The following PUDP variants were observed in gnomAD, a reference collection of about 807,000 sequenced individuals.
PUDP encodes the protein pseudouridine 5'-phosphatase, also known as pseudouridine-5'-phosphatase.
PUDP carries 8 observed loss-of-function variants against 9.4 expected under a neutral mutation model. The ratio of observed to expected loss-of-function variants is 0.85; its 90% CI spans 0.50 to 1.53. The LOEUF (loss-of-function observed/expected upper bound fraction) is 1.53, where lower values mean the gene tolerates loss of function less well. Ranked by LOEUF, PUDP falls within the 40% of genes most tolerant of loss-of-function variation. The pLI, the probability that PUDP is intolerant of heterozygous loss-of-function variation, is 0.00. For synonymous variants in PUDP, 99 were observed against 80.7 expected (o/e 1.23, Z -1.22); for missense variants, 188 against 189.7 (o/e 0.99, Z 0.05).
At chrX:7,134,986 G>C (rs1479134704) in intron 1 of PUDP, among the ~76,000 whole-genome samples, 3 of 112,052 alleles carry the variant, frequency 2.7e-5, no homozygotes, top group African/African-American at 6.5e-5. Flanking sequence ...GGTAAATAAG[G>C]GAAAGAGAAG....
chrX:6,759,856 G>A (rs944225377), intron 3 of PUDP, among the ~76,000 whole-genome samples: 2 of 106,827 alleles, frequency 1.9e-5, no homozygotes, highest in African/African-American at 6.9e-5. Context: ...GTGGCATTGT[G>A]GACGCTTCTC....
At chrX:6,849,944 C>G (rs1188681257) in intron 3 of PUDP, among the ~76,000 whole-genome samples, 1 of 111,835 alleles carries the variant, frequency 8.9e-6, no homozygotes, top group Admixed American at 9.5e-5. Flanking sequence ...CCAAACATAG[C>G]ATTCTATTTC....
Position 7,077,452 on chromosome X carries a change from G to A in PUDP, c.281-3C>T, listed in dbSNP as rs1392986338. 2 of 1,201,580 alleles carry A rather than the reference G, an allele frequency of 1.7e-6. No homozygotes were observed. Among genetic ancestry groups the A allele is most frequent in the Non-Finnish European group, 2.3e-6 (2 of 887,060 alleles). On this transcript the variant is annotated splice_region_variant and splice_polypyrimidine_tract_variant and intron_variant, in intron 2 of 3. Transcript: ENST00000381077. ...GTGGATGATGAGTTTCTCCGCCCCT[G>A]GGGAGGAGGAGGGAAGGACTGAGGT...
At chrX:7,072,919 C>A (rs1223959077) in intron 3 of PUDP, among the ~76,000 whole-genome samples, 2 of 110,760 alleles carry the variant, frequency 1.8e-5, no homozygotes, top group Non-Finnish European at 3.8e-5. Context: ...TTTTGTTTCA[C>A]AACAATGATG....
intron 3 of PUDP, among the ~76,000 whole-genome samples, chrX:6,857,342 A>G (rs749705750): frequency 8.8e-6 from 1 of 113,426 alleles, no homozygotes; most frequent in African/African-American, 3.2e-5. Flanking sequence ...AGCTGCACTC[A>G]TAGAATTTCT....
intron 1 of PUDP, among the ~76,000 whole-genome samples, chrX:7,030,858 C>T (rs1929783190): frequency 9.0e-6 from 1 of 111,306 alleles, no homozygotes; most frequent in African/African-American, 3.3e-5. Flanking sequence ...CAGGTCGAGT[C>T]CATAAAGTGA....
At chrX:6,854,689 G>T (rs372279153) in intron 3 of PUDP, among the ~76,000 whole-genome samples, 2 of 111,170 alleles carry the variant, frequency 1.8e-5, no homozygotes, top group East Asian at 5.7e-4. Flanking sequence ...TATTAAGAAC[G>T]TTATAAGAAA....
chrX:6,875,806 C>CTACACACTTGAATGATGTGGAA, intron 3 of PUDP, among the ~76,000 whole-genome samples: 1 of 112,264 alleles, frequency 8.9e-6, no homozygotes, highest in South Asian at 3.7e-4. Flanking sequence ...CAGTACTGGA[C>CTACACACTTGAATGATGTGGAA]TACACACTTG....
intron 3 of PUDP, among the ~76,000 whole-genome samples, chrX:6,890,392 T>C (rs1208657663): frequency 8.9e-6 from 1 of 111,747 alleles, no homozygotes; most frequent in Non-Finnish European, 1.9e-5. Flanking sequence ...TAAAACTTAT[T>C]TGGAACCCCA....
At chrX:6,736,567 C>T (rs1033877736) in intron 3 of PUDP, among the ~76,000 whole-genome samples, 1 of 111,957 alleles carries the variant, frequency 8.9e-6, no homozygotes, top group African/African-American at 3.2e-5. Flanking sequence ...TTCATTGCAG[C>T]GCAGTTCACA....
chrX:6,889,253 T>G (rs1346985258), intron 3 of PUDP, among the ~76,000 whole-genome samples: 1 of 112,016 alleles, frequency 8.9e-6, no homozygotes, highest in Non-Finnish European at 1.9e-5. Context: ...TGCCCTTAGT[T>G]CTTGCATATT....
chrX:6,814,447 G>C (rs1039133488), intron 3 of PUDP, among the ~76,000 whole-genome samples: 1 of 110,752 alleles, frequency 9.0e-6, no homozygotes, highest in South Asian at 3.9e-4. Context: ...GAGGTACAGT[G>C]AGTTAGGAGG....
At chrX:7,003,391 G>A (rs1015464520) in intron 1 of PUDP, among the ~76,000 whole-genome samples, 1 of 111,285 alleles carries the variant, frequency 9.0e-6, no homozygotes, top group Non-Finnish European at 1.9e-5. Flanking sequence ...GTGACTCAAG[G>A]TGTTGGGTGC....
chrX:6,886,277 C>T (rs1569117162), intron 3 of PUDP, among the ~76,000 whole-genome samples: 1 of 112,016 alleles, frequency 8.9e-6, no homozygotes, highest in African/African-American at 3.2e-5. Context: ...CTAATTTACA[C>T]AAAATTTTTC....
At chrX:6,768,007 T>C (rs1478582964) in intron 3 of PUDP, among the ~76,000 whole-genome samples, 1 of 111,860 alleles carries the variant, frequency 8.9e-6, no homozygotes. Flanking sequence ...TGAACCCATC[T>C]GAAAAACTAG....
chrX:6,913,286 A>C (rs1185515890), intron 3 of PUDP, among the ~76,000 whole-genome samples: 1 of 112,167 alleles, frequency 8.9e-6, no homozygotes, highest in African/African-American at 3.2e-5. Flanking sequence ...GGATTGAAGA[A>C]ATTAGCATCT....
intron 1 of PUDP, among the ~76,000 whole-genome samples, chrX:7,017,072 A>T (rs1011398455): frequency 9.0e-6 from 1 of 111,406 alleles, no homozygotes; most frequent in Non-Finnish European, 1.9e-5. Flanking sequence ...ATAGGGCTTC[A>T]CCCCACTGCC....
chrX:6,982,327 T>C (rs775243371), intron 1 of PUDP, among the ~76,000 whole-genome samples: 1 of 111,714 alleles, frequency 9.0e-6, no homozygotes, highest in Non-Finnish European at 1.9e-5. Flanking sequence ...ATTCCAGAAT[T>C]ATTACTCAAA....
intron 3 of PUDP, among the ~76,000 whole-genome samples, chrX:6,961,184 G>A (rs1474159331): frequency 9.0e-6 from 1 of 110,968 alleles, no homozygotes; most frequent in Non-Finnish European, 1.9e-5. Flanking sequence ...TGGATTGCTT[G>A]AGCCCAGTAG....
Sources: allele counts gnomAD v4.1 joint callset (sites outside exome capture counted in the v4.1 genomes callset), GRCh38; gene constraint gnomAD v4.1.1; transcripts MANE v1.5; gene names NCBI Gene and HGNC (gene_info 2026-07-23, HGNC 2026-07-21).